FAM193A: variants seen among roughly 807,000 people sequenced by gnomAD.
FAM193A encodes the protein family with sequence similarity 193 member A, also known as protein FAM193A.
FAM193A carries 22 observed loss-of-function variants against 126.5 expected under a neutral mutation model. That is an observed-to-expected ratio of 0.17 (90% confidence interval 0.12 to 0.25). FAM193A has a LOEUF of 0.25. FAM193A is among the 10% of genes least tolerant of loss of function. FAM193A has a pLI of 1.00. For synonymous variants in FAM193A, 761 were observed against 646.8 expected (o/e 1.18, Z -2.68); for missense variants, 1,675 against 1,672.8 (o/e 1.00, Z -0.02).
chr4:2,597,061 A>G (rs189507816), intron 2 of FAM193A, among the ~76,000 whole-genome samples: 150 of 152,200 alleles, frequency 9.9e-4, no homozygotes, highest in African/African-American at 3.3e-3. Flanking sequence ...CCTGGTGACA[A>G]TCTGAAGAGC....
In FAM193A at chr4:2,659,691, C is replaced by T. The variant is rs1414910257; in HGVS notation, c.1502+21C>T. ...AGAAGGTAAGGCTGGGTTGTGGTGT[C>T]AGCACGACTGGCCCATTGGACCTTC... On this transcript the variant is annotated intron_variant, in intron 9 of 20. Coordinates refer to ENST00000637812, the MANE Select transcript of FAM193A (RefSeq NM_001366318.2). 17 of 1,611,756 alleles carry T rather than the reference C, an allele frequency of 1.1e-5. No homozygotes were observed. In the Admixed American group the frequency reaches 1.5e-4, roughly 14 times the overall value.
chr4:2,607,923 G>A, intron 2 of FAM193A: 1 of 1,196,042 alleles, frequency 8.4e-7, no homozygotes, highest in Non-Finnish European at 1.2e-6. Flanking sequence ...CTATGTGATG[G>A]TGTCGCTTTA....
intron 2 of FAM193A, among the ~76,000 whole-genome samples, chr4:2,622,126 G>A (rs1177889353): frequency 1.3e-5 from 2 of 151,924 alleles, no homozygotes; most frequent in African/African-American, 2.4e-5. Flanking sequence ...GTGTGGTGGC[G>A]CATGCCTTTG....
chr4:2,659,915 G>C lies in FAM193A; in HGVS notation c.1606G>C (p.Asp536His). The C allele has an allele frequency of 6.2e-7, 1 of 1,614,158 alleles. No homozygotes were observed. Among genetic ancestry groups the C allele is most frequent in the Non-Finnish European group, 8.5e-7 (1 of 1,180,044 alleles). Residue 536 changes from aspartate to histidine, a missense_variant, in exon 10 of 21, where the codon GAT becomes CAT. Physicochemically the swap from Asp to His is moderately conservative, Grantham distance 81. This residue lies in a region of FAM193A where 1,186 missense variants were observed against 1,109.2 expected (regional missense o/e 1.07). Coordinates refer to ENST00000637812, the MANE Select transcript of FAM193A (RefSeq NM_001366318.2). ...IHIHQLPLQV[D>H]PAPDYLAERS... is the part of the protein sequence containing the mutation. ...CATTCACCAGCTCCCACTTCAAGTG[G>C]ATCCTGCTCCTGACTATCTTGCTGA...
intron 10 of FAM193A, among the ~76,000 whole-genome samples, chr4:2,661,931 C>T (rs1052019285): frequency 6.6e-6 from 1 of 152,296 alleles, no homozygotes; most frequent in African/African-American, 2.4e-5. Flanking sequence ...TGCCTGTAAT[C>T]CCAGCACTTT....
intron 12 of FAM193A, 63 bp from the exon 13 acceptor site, chr4:2,672,058 T>A (rs1190316840): frequency 7.0e-6 from 11 of 1,565,894 alleles, no homozygotes; most frequent in Non-Finnish European, 9.6e-6. Context: ...AGAATGTGAC[T>A]GACTTTAATT....
At chr4:2,727,467 G>T (rs1720888813) in intron 20 of FAM193A, among the ~76,000 whole-genome samples, 1 of 152,132 alleles carries the variant, frequency 6.6e-6, no homozygotes, top group Non-Finnish European at 1.5e-5. Flanking sequence ...TTCCCGCTGA[G>T]ACTGGATTTG....
intron 15 of FAM193A, among the ~76,000 whole-genome samples, chr4:2,691,450 A>G (rs1331804623): frequency 6.6e-6 from 1 of 152,138 alleles, no homozygotes; most frequent in Non-Finnish European, 1.5e-5. Context: ...TTGCTTTCTG[A>G]GCATGTGGCA....
Position 2,731,867 on chromosome 4 carries a change from G to A in FAM193A, c.4547G>A (p.Ter1516=), listed in dbSNP as rs765181932. ...AAAAAAGCCACCTTTGCTGCCCACT[G>A]AATGAGGACTCCCTGGAGAGGGACA... The part of the protein sequence containing the change: ...SLKKATFAAH[*] Residue 1516 remains the stop codon, a stop_retained_variant, in exon 21 of 21, where the codon TGA becomes TAA. Transcript: ENST00000637812. 3 of 1,610,144 alleles carry A rather than the reference G, an allele frequency of 1.9e-6. No individual in the cohort carries two copies. The highest frequency in any genetic ancestry group is 1.1e-5 in the South Asian group (1 of 91,022).
intron 1 of FAM193A, among the ~76,000 whole-genome samples, chr4:2,572,746 G>A (rs1247518403): frequency 1.3e-5 from 2 of 151,520 alleles, no homozygotes; most frequent in East Asian, 3.9e-4. Context: ...GTGCAGTTGG[G>A]AACAGTTGAA....
chr4:2,564,543 A>G (rs1166000837), intron 1 of FAM193A, among the ~76,000 whole-genome samples: 2 of 152,104 alleles, frequency 1.3e-5, no homozygotes, highest in Non-Finnish European at 2.9e-5. Flanking sequence ...ATAGCCACCT[A>G]CTATTTGGGA....
At chr4:2,646,159 CTTTTTTTTTTTTTTTTTT>C (rs568447182) in intron 6 of FAM193A, among the ~76,000 whole-genome samples, 7 of 69,120 alleles carry the variant, frequency 1.0e-4, no homozygotes, top group African/African-American at 3.3e-4. Context: ...TGAGCATCTC[CTTTTTTTTTTTTTTTTTT>C]TTTTTTTTTT....
At chr4:2,684,727 G>C (rs150949165) in intron 13 of FAM193A, among the ~76,000 whole-genome samples, 2 of 152,282 alleles carry the variant, frequency 1.3e-5, no homozygotes, top group East Asian at 1.9e-4. Flanking sequence ...GTGTACGGCT[G>C]TTCCTTCCCC....
At chr4:2,580,413 G>A (rs1301068266) in intron 1 of FAM193A, among the ~76,000 whole-genome samples, 2 of 152,060 alleles carry the variant, frequency 1.3e-5, no homozygotes, top group African/African-American at 4.8e-5. Flanking sequence ...AGAAATAATC[G>A]GTACAACAAA....
At chr4:2,647,370 TC>T (rs1745257831) in intron 7 of FAM193A, among the ~76,000 whole-genome samples, 1 of 152,130 alleles carries the variant, frequency 6.6e-6, no homozygotes, top group African/African-American at 2.4e-5. Flanking sequence ...GGTCTCGAAC[TC>T]CCGACCTCAG....
At chr4:2,592,881 C>T (rs1373328366) in intron 1 of FAM193A, among the ~76,000 whole-genome samples, 1 of 152,188 alleles carries the variant, frequency 6.6e-6, no homozygotes, top group African/African-American at 2.4e-5. Flanking sequence ...CGGGACAAAC[C>T]TTGCAGCTCA....
intron 1 of FAM193A, among the ~76,000 whole-genome samples, chr4:2,549,523 A>T (rs1413029771): frequency 7.0e-6 from 1 of 141,916 alleles, no homozygotes. Flanking sequence ...CAGCCTCCCA[A>T]GTAGCTGGGA....
At chr4:2,704,142 A>C (rs1436906514) in intron 19 of FAM193A, among the ~76,000 whole-genome samples, 1 of 152,052 alleles carries the variant, frequency 6.6e-6, no homozygotes, top group African/African-American at 2.4e-5. Context: ...ACACGCCTAT[A>C]ATCCCAGCTA....
At chr4:2,590,506 C>CCAAAAA (rs1740501951) in intron 1 of FAM193A, among the ~76,000 whole-genome samples, 2 of 33,220 alleles carry the variant, frequency 6.0e-5, no homozygotes, top group Non-Finnish European at 1.1e-4. Context: ...CAAAAAAAAA[C>CCAAAAA]AAAAAAAAAA....
Sources: allele counts gnomAD v4.1 joint callset (sites outside exome capture counted in the v4.1 genomes callset), GRCh38; gene constraint gnomAD v4.1.1; regional missense constraint gnomAD v4.1.1; transcripts MANE v1.5; gene names NCBI Gene and HGNC (gene_info 2026-07-23, HGNC 2026-07-21).